Variants in GRID1 observed in about 807,000 individuals in gnomAD.
The protein encoded by GRID1 is glutamate receptor ionotropic, delta-1.
A neutral mutation model predicts 98.0 loss-of-function variants in GRID1; 28 were observed. The observed-to-expected ratio is 0.29, with a 90% confidence interval of 0.21 to 0.39. GRID1 has a LOEUF of 0.39. Among genes scored for constraint, GRID1 ranks in the 10% least tolerant of loss-of-function variants. The pLI is 1.00. For synonymous variants in GRID1, 553 were observed against 538.5 expected (o/e 1.03, Z -0.37); for missense variants, 1,111 against 1,340.5 (o/e 0.83, Z 2.67).
At chr10:86,018,649 G>A (rs1305740754) in intron 4 of GRID1, among the ~76,000 whole-genome samples, 1 of 152,154 alleles carries the variant, frequency 6.6e-6, no homozygotes, top group Non-Finnish European at 1.5e-5. Context: ...TGCCTCTGGA[G>A]ACTACCAGCC....
chr10:85,874,280 T>G (rs1452621253), intron 5 of GRID1, among the ~76,000 whole-genome samples: 1 of 152,220 alleles, frequency 6.6e-6, no homozygotes, highest in Non-Finnish European at 1.5e-5. Flanking sequence ...TTTGCTATTT[T>G]TTCATTTTTC....
intron 8 of GRID1, among the ~76,000 whole-genome samples, chr10:85,851,965 G>A (rs1169967847): frequency 2.6e-5 from 4 of 151,152 alleles, no homozygotes; most frequent in Non-Finnish European, 5.9e-5. Context: ...TCACAGCCCC[G>A]TCTCCCACCC....
chr10:85,777,197 G>A (rs1161041880), intron 8 of GRID1, among the ~76,000 whole-genome samples: 1 of 152,132 alleles, frequency 6.6e-6, no homozygotes, highest in Non-Finnish European at 1.5e-5. Context: ...CTAAATCAGG[G>A]AGGTGGGGAT....
intron 4 of GRID1, among the ~76,000 whole-genome samples, chr10:85,934,454 A>G (rs1324089172): frequency 6.8e-6 from 1 of 147,000 alleles, no homozygotes; most frequent in Middle Eastern, 3.4e-3. Context: ...ACACACACAC[A>G]CAGAGCAAAG....
At chr10:85,631,707 G>A (rs1167196045) in intron 13 of GRID1, among the ~76,000 whole-genome samples, 1 of 152,074 alleles carries the variant, frequency 6.6e-6, no homozygotes, top group African/African-American at 2.4e-5. Flanking sequence ...ATTTTAAATT[G>A]TCCAAAGACC....
chr10:86,282,246 A>C (rs889735147), intron 2 of GRID1, among the ~76,000 whole-genome samples: 5 of 152,172 alleles, frequency 3.3e-5, no homozygotes, highest in African/African-American at 1.2e-4. Flanking sequence ...CAGCCTCCAA[A>C]GGTAGAGGCA....
chr10:85,829,122 G>C (rs1477510557), intron 8 of GRID1, among the ~76,000 whole-genome samples: 1 of 152,064 alleles, frequency 6.6e-6, no homozygotes, highest in African/African-American at 2.4e-5. Flanking sequence ...AAATGGGTAG[G>C]CTTTATCTCT....
At chr10:86,355,028 G>A (rs879670346) in intron 2 of GRID1, among the ~76,000 whole-genome samples, 1 of 152,200 alleles carries the variant, frequency 6.6e-6, no homozygotes, top group Admixed American at 6.5e-5. Context: ...GTGAGAGGAG[G>A]ACAAGTCTCC....
chr10:85,682,898 A>T (rs1441531838), intron 12 of GRID1, among the ~76,000 whole-genome samples: 1 of 152,246 alleles, frequency 6.6e-6, no homozygotes, highest in Non-Finnish European at 1.5e-5. Context: ...GCCTTCTGGC[A>T]TCCCTCCCCA....
At chr10:85,935,792 C>A (rs940652330) in intron 4 of GRID1, among the ~76,000 whole-genome samples, 7 of 152,320 alleles carry the variant, frequency 4.6e-5, no homozygotes, top group African/African-American at 9.6e-5. Flanking sequence ...CAGAGCAATT[C>A]TTTCACTTGT....
intron 3 of GRID1, among the ~76,000 whole-genome samples, chr10:86,173,578 A>ATTTTG (rs1845526322): frequency 1.5e-4 from 1 of 6,778 alleles, no homozygotes; most frequent in Admixed American, 2.1e-3. Flanking sequence ...CTTTTTTTTT[A>ATTTTG]TTTTATTTTA....
chr10:86,215,181 G>A (rs1257754468), intron 2 of GRID1, among the ~76,000 whole-genome samples: 1 of 152,196 alleles, frequency 6.6e-6, no homozygotes, highest in African/African-American at 2.4e-5. Context: ...CTACCAGGCT[G>A]GGAGCCCCAG....
chr10:85,899,754 C>G (rs1841352503), intron 5 of GRID1, among the ~76,000 whole-genome samples: 1 of 152,142 alleles, frequency 6.6e-6, no homozygotes, highest in Admixed American at 6.5e-5. Flanking sequence ...TTGTTCAGAT[C>G]CCCATGGGCC....
At chr10:86,053,998 C>G (rs1843539865) in intron 4 of GRID1, among the ~76,000 whole-genome samples, 2 of 152,178 alleles carry the variant, frequency 1.3e-5, no homozygotes, top group South Asian at 4.1e-4. Flanking sequence ...TAAAATGGAA[C>G]CTTAATAAAG....
chr10:86,291,156 A>G (rs776828120), intron 2 of GRID1, among the ~76,000 whole-genome samples: 1 of 152,212 alleles, frequency 6.6e-6, no homozygotes, highest in Non-Finnish European at 1.5e-5. Context: ...GCCCAGGGAC[A>G]AAGCAGAGAA....
rs577892978 is a variant in GRID1 at position 86,141,102 on chromosome 10, G to A, written c.521-2078C>T. On this transcript the variant is annotated intron_variant, in intron 3 of 15. Coordinates refer to ENST00000327946, the MANE Select transcript of GRID1 (RefSeq NM_017551.3). ...TCTGCCCACTGTGTCAGACAGGAAG[G>A]AGAGCCAGCCCCAGGGCCGAGATGA... is the stretch of plus-strand genomic sequence containing the variant. 5.3e-4 allele frequency among the ~76,000 whole-genome samples: 81 copies of A among 152,182 alleles called. 2 individuals carry two copies. The highest frequency in any genetic ancestry group is 2.3e-3 in the Admixed American group (35 of 15,290).
intron 15 of GRID1, among the ~76,000 whole-genome samples, chr10:85,607,391 A>G (rs1262698396): frequency 2.6e-5 from 4 of 152,148 alleles, no homozygotes; most frequent in East Asian, 1.9e-4. Flanking sequence ...ACTGACACCA[A>G]TCAGGTGCTA....
At chr10:85,899,592 G>A (rs1184644009) in intron 5 of GRID1, among the ~76,000 whole-genome samples, 1 of 152,148 alleles carries the variant, frequency 6.6e-6, no homozygotes, top group East Asian at 1.9e-4. Context: ...AATTTAATTT[G>A]TTTTAAGATA....
At chr10:85,720,526 T>A (rs967445531) in intron 12 of GRID1, among the ~76,000 whole-genome samples, 10 of 151,452 alleles carry the variant, frequency 6.6e-5, no homozygotes, top group African/African-American at 2.4e-4. Context: ...TACAAATATG[T>A]CCAACTGTTT....
Sources: allele counts gnomAD v4.1 joint callset (sites outside exome capture counted in the v4.1 genomes callset), GRCh38; gene constraint gnomAD v4.1.1; transcripts MANE v1.5; gene names NCBI Gene and HGNC (gene_info 2026-07-23, HGNC 2026-07-21).